Variants in KALRN observed in about 807,000 individuals in gnomAD.
KALRN encodes the protein kalirin.
A neutral mutation model predicts 353.7 loss-of-function variants in KALRN; 70 were observed. The observed-to-expected ratio is 0.20, with a 90% CI of 0.16 to 0.24. The LOEUF is 0.24. Ranked by LOEUF, KALRN falls within the 10% of genes least tolerant of loss-of-function variation. KALRN has a pLI of 1.00. For missense variants in KALRN, 2,791 were observed against 3,756.7 expected (o/e 0.74, Z 6.72); for synonymous variants, 1,391 against 1,434.8 (o/e 0.97, Z 0.69).
intron 21 of KALRN, 29 bp downstream of exon 21, chr3:124,446,914 A>T (rs201636594): frequency 4.4e-4 from 708 of 1,613,058 alleles, no homozygotes; most frequent in Non-Finnish European, 5.8e-4. Flanking sequence ...CCTCCCCCAG[A>T]TCCACCCAGA....
At chr3:124,601,479 A>G (rs923858618) in intron 34 of KALRN, among the ~76,000 whole-genome samples, 51 of 152,330 alleles carry the variant, frequency 3.3e-4, no homozygotes, top group African/African-American at 1.2e-3. Flanking sequence ...TCCGTGTTCA[A>G]AACAAGTTGC....
intron 34 of KALRN, among the ~76,000 whole-genome samples, chr3:124,617,918 G>A (rs2078800678): frequency 6.6e-6 from 1 of 152,060 alleles, no homozygotes; most frequent in African/African-American, 2.4e-5. Context: ...TTTTGAATGT[G>A]ATTTGAACAA....
At chr3:124,492,906 C>T (rs1257224955) in intron 32 of KALRN, 24 bp downstream of exon 32, 1 of 1,608,836 alleles carries the variant, frequency 6.2e-7, no homozygotes, top group Non-Finnish European at 8.5e-7. Context: ...CTCCCTCCAG[C>T]ACTGCCTGCC....
intron 35 of KALRN, among the ~76,000 whole-genome samples, chr3:124,633,509 G>A (rs1009052762): frequency 8.5e-5 from 13 of 152,200 alleles, no homozygotes; most frequent in African/African-American, 3.1e-4. Flanking sequence ...TAAGCCTGGC[G>A]GCATTTGGGC....
chr3:124,357,296 C>T (rs1391711198), intron 10 of KALRN, among the ~76,000 whole-genome samples: 2 of 152,190 alleles, frequency 1.3e-5, no homozygotes, highest in African/African-American at 4.8e-5. Context: ...TCCCTGACTC[C>T]AGTCATTGTC....
At chr3:124,158,583 A>C (rs1216219241) in intron 1 of KALRN, among the ~76,000 whole-genome samples, 2 of 152,212 alleles carry the variant, frequency 1.3e-5, no homozygotes, top group Admixed American at 1.3e-4. Context: ...AGGGATCTCC[A>C]TTCCTAGAAT....
rs140338162 is a variant in KALRN at position 124,409,894 on chromosome 3, G to C, written c.2347-3576G>C. On this transcript the variant is annotated intron_variant, in intron 13 of 59. Coordinates refer to ENST00000682506, the MANE Select transcript of KALRN (RefSeq NM_001388419.1). ...TTGAAAGCTGTGGGCATCAGTGCCT[G>C]GGGGAGAGAAGGGAGGGGGAGTCCA... is the stretch of plus-strand genomic sequence containing the variant. Among the ~76,000 whole-genome samples the C allele has an allele frequency of 7.9e-5, 12 of 152,150 alleles. No homozygotes were observed. In the East Asian group the frequency reaches 2.3e-3, roughly 29 times the overall value.
chr3:124,502,347 A>C (rs1214203219), intron 33 of KALRN, among the ~76,000 whole-genome samples: 1 of 152,026 alleles, frequency 6.6e-6, no homozygotes, highest in Non-Finnish European at 1.5e-5. Flanking sequence ...AATTGCATGG[A>C]GTTTGCCCTG....
intron 1 of KALRN, among the ~76,000 whole-genome samples, chr3:124,047,269 A>G (rs1373563963): frequency 1.3e-5 from 2 of 152,218 alleles, no homozygotes; most frequent in Admixed American, 1.3e-4. Context: ...AAGAGGGCTA[A>G]TGAAAATGGC....
intron 1 of KALRN, among the ~76,000 whole-genome samples, chr3:124,065,684 C>T (rs2042297958): frequency 6.6e-6 from 1 of 150,740 alleles, no homozygotes; most frequent in South Asian, 2.1e-4. Flanking sequence ...ACTGCATGGG[C>T]CCAAATCGTG....
chr3:124,163,132 G>A (rs2070268363), intron 1 of KALRN: 1 of 152,186 alleles, frequency 6.6e-6, no homozygotes, highest in East Asian at 1.9e-4. Context: ...TATTCTCTTG[G>A]TATCCTAGTA....
intron 33 of KALRN, among the ~76,000 whole-genome samples, chr3:124,548,137 T>C (rs1023417210): frequency 5.9e-5 from 9 of 152,184 alleles, no homozygotes; most frequent in Non-Finnish European, 1.0e-4. Flanking sequence ...CCAGGACATA[T>C]TTCAAGTCAA....
At chr3:124,093,987 G>A (rs1452522800) in intron 1 of KALRN, 1 of 152,232 alleles carries the variant, frequency 6.6e-6, no homozygotes, top group Non-Finnish European at 1.5e-5. Context: ...GAGGGAGAGG[G>A]GTTGAGAGGT....
In KALRN at chr3:124,496,371, C is replaced by T; in HGVS notation, c.4893C>T (p.Ser1631=). The change falls in exon 33 of 60, where the codon TCC becomes TCT. Residue 1631 remains serine, a synonymous_variant. Coordinates refer to ENST00000682506, the MANE Select transcript of KALRN (RefSeq NM_001388419.1). ...GGAGCAGCCAACCAGACACCATCTC[C>T]ATTGCTTCTAGGACCTCTCAGAACA... ...GDGSSQPDTI[S]IASRTSQNTV... is the part of the protein sequence containing the mutation. The T allele has an allele frequency of 6.2e-7, 1 of 1,613,650 alleles. No individual in the cohort carries two copies. Among genetic ancestry groups the T allele is most frequent in the Non-Finnish European group, 8.5e-7 (1 of 1,179,862 alleles).
chr3:124,127,805 G>A (rs1252623139), intron 1 of KALRN, among the ~76,000 whole-genome samples: 2 of 152,164 alleles, frequency 1.3e-5, no homozygotes, highest in Non-Finnish European at 2.9e-5. Flanking sequence ...GTAATGCAAA[G>A]CTATACAATT....
intron 14 of KALRN, among the ~76,000 whole-genome samples, chr3:124,415,691 A>G (rs139414157): frequency 6.6e-6 from 1 of 152,224 alleles, no homozygotes; most frequent in Admixed American, 6.5e-5. Flanking sequence ...TAAATAGTCT[A>G]AGGGTGAGCA....
chr3:124,238,256 G>T (rs1031157), intron 3 of KALRN, among the ~76,000 whole-genome samples: 1 of 151,974 alleles, frequency 6.6e-6, no homozygotes. Context: ...AACAAAAAAC[G>T]CAATTCCTGA....
intron 34 of KALRN, among the ~76,000 whole-genome samples, chr3:124,628,174 CTCCCTCCCTCCT>C (rs2080218248): frequency 1.8e-5 from 1 of 56,234 alleles, no homozygotes; most frequent in Non-Finnish European, 3.1e-5. Flanking sequence ...CCTTCCTTCC[CTCCCTCCCTCCT>C]TCATTCCCTC....
At chr3:124,248,227 C>T (rs1580003841) in intron 3 of KALRN, among the ~76,000 whole-genome samples, 1 of 151,968 alleles carries the variant, frequency 6.6e-6, no homozygotes, top group African/African-American at 2.4e-5. Flanking sequence ...AGACTGGAGG[C>T]TCCCCAAGGA....
Sources: gnomAD v4.1 joint callset for allele counts (sites outside exome capture counted in the v4.1 genomes callset) on GRCh38, gnomAD v4.1.1 for gene constraint, MANE v1.5 for transcripts, NCBI Gene and HGNC (gene_info 2026-07-23, HGNC 2026-07-21) for gene names.